The following KIF18B variants were observed in gnomAD, a reference collection of about 807,000 sequenced individuals.
KIF18B encodes kinesin family member 18B.
A neutral mutation model predicts 80.9 loss-of-function variants in KIF18B; 49 were observed. The observed-to-expected ratio is 0.61, with a 90% CI of 0.48 to 0.77. The LOEUF (loss-of-function observed/expected upper bound fraction) is 0.77, where lower values mean the gene tolerates loss of function less well. KIF18B is among the 30% of genes least tolerant of loss of function. KIF18B has a pLI of 0.00. For missense variants in KIF18B, 994 were observed against 1,127.7 expected, an observed-to-expected ratio of 0.88 and a Z score of 1.70; for synonymous variants, 439 against 463.9, an observed-to-expected ratio of 0.95 and a Z score of 0.69.
chr17:44,926,673 T>A (rs1325722983), intron 14 of KIF18B, among the ~76,000 whole-genome samples, 174 bp from the exon 15 acceptor site: 1 of 151,796 alleles, frequency 6.6e-6, no homozygotes, highest in African/African-American at 2.4e-5. Context: ...GTGTGTAGGG[T>A]TGGGGACACA....
intron 14 of KIF18B, 36 bp from the exon 15 acceptor site, chr17:44,926,535 GCC>G: frequency 6.5e-7 from 1 of 1,540,712 alleles, no homozygotes; most frequent in South Asian, 1.2e-5. Flanking sequence ...GAAGGTTACG[GCC>G]CTGTCTCTGG....
Position 44,925,851 on chromosome 17 carries a change from A to G in KIF18B, c.*229T>C. The G allele has an allele frequency of 1.7e-6, 1 of 587,946 alleles. No homozygotes were observed. The highest frequency in any genetic ancestry group is 2.1e-5 in the South Asian group (1 of 47,858). The allele number at this position is 587,946 out of a possible 1,614,324, so 36.4% of individuals were successfully genotyped here. A position where few individuals can be genotyped will look rare whatever the true frequency, so the allele number is the denominator to read the frequency against. On this transcript the variant is annotated 3_prime_UTR_variant, in exon 16 of 16. Coordinates refer to ENST00000593135, the MANE Select transcript of KIF18B (RefSeq NM_001265577.2). ...AGCAGCACATTAACACTCACAAATG[A>G]ATATGTACATGCCAAGAAGCTGAGT...
chr17:44,943,107 G>GT (rs752271465), intron 1 of KIF18B, among the ~76,000 whole-genome samples: 131 of 148,128 alleles, frequency 8.8e-4, no homozygotes, highest in East Asian at 3.9e-3. Flanking sequence ...TGTTTTTTTT[G>GT]TTTTTTTTTT....
rs560999722 is a variant in KIF18B, at chr17:44,943,959, C to T, written c.-15+3669G>A. On this transcript the variant is annotated intron_variant, in intron 1 of 15. Coordinates refer to ENST00000593135, the MANE Select transcript of KIF18B (RefSeq NM_001265577.2). ...CTCCAACTCCTGGGCTCAAGTGATCCTCCCACCTCAGCCTCCCAAAGTGCT... is the reference window on the plus strand; with the variant it reads ...CTCCAACTCCTGGGCTCAAGTGATCTTCCCACCTCAGCCTCCCAAAGTGCT... Among the ~76,000 whole-genome samples, 39 of 152,364 alleles carry T rather than the reference C, an allele frequency of 2.6e-4. No homozygotes were observed. The East Asian group carries it at 7.3e-3, about 29-fold the overall frequency.
intron 14 of KIF18B, 142 bp from the exon 15 acceptor site, chr17:44,926,641 G>A (rs2052033038): frequency 2.5e-6 from 2 of 810,508 alleles, no homozygotes; most frequent in East Asian, 2.7e-5. Context: ...TTCCAGAGCT[G>A]GATCTAAGGG....
In KIF18B at chr17:44,936,377, A is replaced by G. The variant is rs761312085; in HGVS notation, c.-14-19T>C. ...GTGACACCTGGGTGAGACATGGTGGAGCTGAGGACCAATCCCACCCCAGGC... is the reference window on the plus strand; with the variant it reads ...GTGACACCTGGGTGAGACATGGTGGGGCTGAGGACCAATCCCACCCCAGGC... On this transcript the variant is annotated intron_variant, in intron 1 of 15. Transcript: ENST00000593135. 4 of 1,571,576 alleles carry G rather than the reference A, an allele frequency of 2.5e-6. No individual in the cohort carries two copies. In the South Asian group the frequency reaches 4.7e-5, roughly 18 times the overall value.
At chr17:44,938,022 A>AT (rs1241953132) in intron 1 of KIF18B, among the ~76,000 whole-genome samples, 3 of 148,642 alleles carry the variant, frequency 2.0e-5, no homozygotes, top group African/African-American at 7.4e-5. Context: ...ACACACATAT[A>AT]TATTTTTTTT....
At chr17:44,937,732 A>C (rs2052336917) in intron 1 of KIF18B, among the ~76,000 whole-genome samples, 1 of 152,192 alleles carries the variant, frequency 6.6e-6, no homozygotes. Context: ...ATTCATACCC[A>C]ATATTTCATT....
chr17:44,946,417 A>C (rs1034748567), intron 1 of KIF18B, among the ~76,000 whole-genome samples: 5 of 152,204 alleles, frequency 3.3e-5, no homozygotes, highest in Admixed American at 6.5e-5. Flanking sequence ...CTGGGGAAGA[A>C]ATAGAATAGG....
Position 44,934,343 on chromosome 17 carries a change from C to T in KIF18B, c.775G>A (p.Glu259Lys). ...KMSLIDLAGS[E>K]RASSTHAKGE... ...TTCGCATGGGTGCTGGATGCCCGCTCTGAGCCAGCCAGGTCAATCAGGCTC... is the reference window on the plus strand; with the variant it reads ...TTCGCATGGGTGCTGGATGCCCGCTTTGAGCCAGCCAGGTCAATCAGGCTC... Residue 259 changes from glutamate (E) to lysine (K), a missense_variant, in exon 6 of 16, where the codon GAG becomes AAG. Physicochemically the swap from Glu to Lys is moderately conservative, Grantham distance 56. Coordinates refer to ENST00000593135, the MANE Select transcript of KIF18B (RefSeq NM_001265577.2). This position sits in a 1 kb window ranked among gnomAD's most constrained non-coding sequence, Gnocchi z 5.4. 1 of 1,608,302 alleles carries T rather than the reference C, an allele frequency of 6.2e-7. No homozygotes were observed. Among genetic ancestry groups the T allele is most frequent in the Non-Finnish European group, 8.5e-7 (1 of 1,177,310 alleles).
rs1399834102 is a variant in KIF18B, at chr17:44,934,751, C to T, written c.576+80G>A. On this transcript the variant is annotated intron_variant, in intron 4 of 15. Coordinates refer to ENST00000593135, the MANE Select transcript of KIF18B (RefSeq NM_001265577.2). This position sits in a 1 kb window ranked among gnomAD's most constrained non-coding sequence, Gnocchi z 5.4. ...CCACTGCTACCACCATCACAGGACCCAGGGCATCCCCAAACAGTTTTGTGA... is the reference window on the plus strand; with the variant it reads ...CCACTGCTACCACCATCACAGGACCTAGGGCATCCCCAAACAGTTTTGTGA... 5 of 1,295,860 alleles carry T rather than the reference C, an allele frequency of 3.9e-6. No homozygotes were observed. In the Admixed American group the frequency reaches 1.1e-4, roughly 29 times the overall value. 80.3% of individuals were successfully genotyped at this position (1,295,860 alleles called of 1,614,324 possible).
At chr17:44,946,001 C>T (rs1238948818) in intron 1 of KIF18B, among the ~76,000 whole-genome samples, 1 of 149,338 alleles carries the variant, frequency 6.7e-6, no homozygotes, top group Admixed American at 6.7e-5. Flanking sequence ...AGGAGAATAG[C>T]TTGAGGTCAG....
chr17:44,936,192 G>C lies in KIF18B; in HGVS notation c.153C>G (p.Gly51=), dbSNP rs1326149840. The change falls in exon 2 of 16, where the codon GGC becomes GGG. Residue 51 remains glycine, a synonymous_variant. Coordinates refer to ENST00000593135, the MANE Select transcript of KIF18B (RefSeq NM_001265577.2). ...NPEEPDGGFP[G]LKWGGTHDGP... is the part of the protein sequence containing the mutation. ...CATCATGGGTGCCACCCCATTTCAG[G>C]CCAGGGAACCCTCCATCGGGCTCCT... The C allele has an allele frequency of 1.2e-6, 2 of 1,612,644 alleles. No homozygotes were observed.
At chr17:44,926,277 C>T in intron 15 of KIF18B, 91 bp from the exon 16 acceptor site, 1 of 1,585,002 alleles carries the variant, frequency 6.3e-7, no homozygotes. Context: ...CCACCTGTCT[C>T]ATCAGCAGCA....
At chr17:44,939,270 C>T (rs926265512) in intron 1 of KIF18B, among the ~76,000 whole-genome samples, 3 of 138,664 alleles carry the variant, frequency 2.2e-5, no homozygotes, top group African/African-American at 8.2e-5. Context: ...ACTCGGAAGG[C>T]TGAGGTAGGA....
chr17:44,929,966 A>G (rs139788995), intron 11 of KIF18B, among the ~76,000 whole-genome samples: 1 of 152,326 alleles, frequency 6.6e-6, no homozygotes, highest in African/African-American at 2.4e-5. Context: ...AATAAACACA[A>G]TTATCTCAGT....
At chr17:44,945,174 C>T (rs996896407) in intron 1 of KIF18B, among the ~76,000 whole-genome samples, 2 of 152,214 alleles carry the variant, frequency 1.3e-5, no homozygotes, top group Admixed American at 6.5e-5. Context: ...GATCCTCCCA[C>T]CTCAGTCTCC....
In KIF18B at chr17:44,934,788, G is replaced by A; in HGVS notation, c.576+43C>T. On this transcript the variant is annotated intron_variant, in intron 4 of 15. Transcript: ENST00000593135. The surrounding 1 kb of genome is among the most constrained non-coding windows in gnomAD (Gnocchi z 5.4). The stretch of plus-strand genomic sequence containing the variant: ...AAACAGTTTTGTGAGGGAACCCCAA[G>A]GACCCATGGGGCCGATCATCCTACC... The A allele has an allele frequency of 7.0e-7, 1 of 1,437,114 alleles. No homozygotes were observed. The highest frequency in any genetic ancestry group is 9.5e-7 in the Non-Finnish European group (1 of 1,051,160). The allele number at this position is 1,437,114 out of a possible 1,614,324, so 89.0% of individuals were successfully genotyped here. A position where few individuals can be genotyped will look rare whatever the true frequency, so the allele number is the denominator to read the frequency against.
chr17:44,944,793 T>A (rs1007903707), intron 1 of KIF18B, among the ~76,000 whole-genome samples: 9 of 152,208 alleles, frequency 5.9e-5, no homozygotes, highest in Admixed American at 1.3e-4. Flanking sequence ...TTCCATAACT[T>A]CTTGAGTCAG....
Sources: gnomAD v4.1 joint callset for allele counts (sites outside exome capture counted in the v4.1 genomes callset) on GRCh38, gnomAD v4.1.1 for gene constraint, Gnocchi (gnomAD v3.1) non-coding constraint, MANE v1.5 for transcripts, NCBI Gene and HGNC (gene_info 2026-07-23, HGNC 2026-07-21) for gene names.